Variants in ZNF804B observed in about 807,000 individuals in gnomAD.
ZNF804B encodes zinc finger 804B.
In ZNF804B, 80 loss-of-function variants were observed where a neutral mutation model predicts 101.4. The ratio of observed to expected loss-of-function variants is 0.79; its 90% CI spans 0.66 to 0.95. ZNF804B has a LOEUF of 0.95. ZNF804B is among the 40% of genes least tolerant of loss of function. ZNF804B has a pLI of 0.00. For synonymous variants in ZNF804B, 622 were observed against 558.8 expected (o/e 1.11, Z -1.59); for missense variants, 1,673 against 1,561.9 (o/e 1.07, Z -1.20).
chr7:88,894,355 G>A (rs1050252848), intron 1 of ZNF804B, among the ~76,000 whole-genome samples: 3 of 151,770 alleles, frequency 2.0e-5, no homozygotes, highest in Non-Finnish European at 4.4e-5. Flanking sequence ...CTGGGATACA[G>A]ATATGCACCA....
chr7:89,080,174 C>T (rs1162756819), intron 1 of ZNF804B, among the ~76,000 whole-genome samples: 1 of 151,458 alleles, frequency 6.6e-6, no homozygotes, highest in Non-Finnish European at 1.5e-5. Context: ...GACAGGTAAT[C>T]AAAGATTGGG....
intron 1 of ZNF804B, among the ~76,000 whole-genome samples, chr7:89,197,891 T>C (rs192878064): frequency 6.6e-6 from 1 of 151,984 alleles, no homozygotes; most frequent in East Asian, 1.9e-4. Context: ...TAAATTATTC[T>C]TCAATTGAGT....
chr7:88,790,731 G>C (rs1790367691), intron 1 of ZNF804B, among the ~76,000 whole-genome samples: 1 of 151,926 alleles, frequency 6.6e-6, no homozygotes, highest in African/African-American at 2.4e-5. Context: ...CTTTGCTATT[G>C]TGAATAGGGC....
At chr7:88,837,733 G>A (rs986742459) in intron 1 of ZNF804B, among the ~76,000 whole-genome samples, 6 of 151,688 alleles carry the variant, frequency 4.0e-5, no homozygotes, top group South Asian at 2.1e-4. Flanking sequence ...TTCCAACTGC[G>A]TATCTATGTG....
chr7:88,857,822 C>CTTT (rs55841922), intron 1 of ZNF804B, among the ~76,000 whole-genome samples: 2,360 of 81,262 alleles, frequency 0.029, 347 homozygotes, highest in African/African-American at 0.038. Flanking sequence ...CCTTTCTTTT[C>CTTT]TTTTTTTTTT....
At chr7:89,233,293 T>C (rs2115744062) in intron 2 of ZNF804B, among the ~76,000 whole-genome samples, 1 of 152,310 alleles carries the variant, frequency 6.6e-6, no homozygotes, top group South Asian at 2.1e-4. Context: ...ACTGTTAATA[T>C]AATAATGAGT....
rs149061444 is a variant in ZNF804B, at chr7:88,901,333, A to G, written c.108+141249A>G. Among the ~76,000 whole-genome samples, 239 of 152,010 alleles carry G rather than the reference A, an allele frequency of 1.6e-3. 2 individuals are homozygous for G. Among genetic ancestry groups the G allele is most frequent in the African/African-American group, 5.3e-3 (220 of 41,560 alleles). On this transcript the variant is annotated intron_variant, in intron 1 of 3. Transcript: ENST00000333190. ...TTTCCATTCCATATATTAAAAATTC[A>G]TCTTCTCAACTCATTTAATTACTGA...
At chr7:89,248,324 A>G (rs958112183) in intron 2 of ZNF804B, among the ~76,000 whole-genome samples, 1 of 152,146 alleles carries the variant, frequency 6.6e-6, no homozygotes, top group African/African-American at 2.4e-5. Flanking sequence ...TTCACGGTGA[A>G]TGCTAAAGAA....
At chr7:88,777,031 A>G (rs1790152087) in intron 1 of ZNF804B, among the ~76,000 whole-genome samples, 1 of 152,118 alleles carries the variant, frequency 6.6e-6, no homozygotes, top group African/African-American at 2.4e-5. Context: ...GCAAAGGGGA[A>G]AGTGGTATAA....
At chr7:89,252,217 CAAAT>C (rs1184482142) in intron 2 of ZNF804B, among the ~76,000 whole-genome samples, 2 of 151,972 alleles carry the variant, frequency 1.3e-5, no homozygotes, top group Admixed American at 6.6e-5. Flanking sequence ...AAAACATAAA[CAAAT>C]AACCCCCTTA....
At chr7:88,973,791 A>G (rs558646496) in intron 1 of ZNF804B, among the ~76,000 whole-genome samples, 13 of 151,412 alleles carry the variant, frequency 8.6e-5, no homozygotes, top group Non-Finnish European at 1.9e-4. Context: ...TTATTAGAGG[A>G]AAAGAAACAG....
At chr7:88,857,822 CTTTTT>C (rs55841922) in intron 1 of ZNF804B, among the ~76,000 whole-genome samples, 1,756 of 81,220 alleles carry the variant, frequency 0.022, 4 homozygotes, top group African/African-American at 0.079. Flanking sequence ...CCTTTCTTTT[CTTTTT>C]TTTTTTTTTT....
chr7:89,022,626 G>A (rs1262047914), intron 1 of ZNF804B, among the ~76,000 whole-genome samples: 2 of 152,162 alleles, frequency 1.3e-5, no homozygotes, highest in Non-Finnish European at 2.9e-5. Context: ...TAGAAAGAAG[G>A]TTTCTTCATC....
intron 2 of ZNF804B, among the ~76,000 whole-genome samples, chr7:89,252,709 A>G (rs1480910395): frequency 6.6e-6 from 1 of 152,258 alleles, no homozygotes; most frequent in Non-Finnish European, 1.5e-5. Flanking sequence ...GCCATATAAA[A>G]GAATGAAATC....
At chr7:89,075,756 G>C (rs1360201408) in intron 1 of ZNF804B, among the ~76,000 whole-genome samples, 2 of 152,184 alleles carry the variant, frequency 1.3e-5, no homozygotes, top group Non-Finnish European at 2.9e-5. Context: ...GCCTGGAAAA[G>C]CCATAGATAC....
At chr7:88,818,601 T>C (rs1790923163) in intron 1 of ZNF804B, among the ~76,000 whole-genome samples, 3 of 152,294 alleles carry the variant, frequency 2.0e-5, no homozygotes, top group Non-Finnish European at 2.9e-5. Context: ...ATGCATGCAT[T>C]GGCAAATTCC....
Position 88,997,127 on chromosome 7 carries a change from C to T in ZNF804B, c.109-221028C>T, listed in dbSNP as rs183909357. Among the ~76,000 whole-genome samples, 350 of 152,140 alleles carry T rather than the reference C, an allele frequency of 2.3e-3. 1 individual carries two copies. Among genetic ancestry groups the T allele is most frequent in the Admixed American group, 4.5e-3 (69 of 15,240 alleles). On this transcript the variant is annotated intron_variant, in intron 1 of 3. Transcript: ENST00000333190. ...GAAAGTGTGAATTAGGGACACTGTT[C>T]CAAACTATGAATAAAGTGGTGGTTT...
At chr7:89,212,785 A>T (rs1788825014) in intron 1 of ZNF804B, among the ~76,000 whole-genome samples, 1 of 152,124 alleles carries the variant, frequency 6.6e-6, no homozygotes, top group South Asian at 2.1e-4. Context: ...AAGGGTAGGT[A>T]ACTTTTCAAA....
intron 1 of ZNF804B, among the ~76,000 whole-genome samples, chr7:89,109,071 A>T (rs1053484709): frequency 6.6e-6 from 1 of 151,828 alleles, no homozygotes; most frequent in African/African-American, 2.4e-5. Context: ...ATAATTAGTA[A>T]GAGAACATCA....
Sources: allele counts gnomAD v4.1 joint callset (sites outside exome capture counted in the v4.1 genomes callset), GRCh38; gene constraint gnomAD v4.1.1; transcripts MANE v1.5; gene names NCBI Gene and HGNC (gene_info 2026-07-23, HGNC 2026-07-21).